Variants in STK32A observed in about 807,000 individuals in gnomAD.
STK32A encodes the protein serine/threonine kinase 32A, also known as serine/threonine-protein kinase 32A.
A neutral mutation model predicts 53.2 loss-of-function variants in STK32A; 41 were observed. The observed-to-expected ratio is 0.77, with a 90% CI of 0.60 to 1.00. The LOEUF (loss-of-function observed/expected upper bound fraction) is 1.00. Ranked by LOEUF, STK32A falls within the 50% of genes least tolerant of loss-of-function variation. STK32A has a pLI of 0.00. For missense variants in STK32A, 458 were observed against 485.8 expected (o/e 0.94, Z 0.54); for synonymous variants, 166 against 162.8 (o/e 1.02, Z -0.15).
chr5:147,277,195 C>G (rs900968514), intron 2 of STK32A, among the ~76,000 whole-genome samples: 14 of 152,066 alleles, frequency 9.2e-5, no homozygotes, highest in African/African-American at 3.4e-4. Context: ...TCTGAATAAA[C>G]TTAAAATCCC....
Position 147,239,564 on chromosome 5 carries a change from G to A in STK32A, c.-71G>A, listed in dbSNP as rs1158265701. 4 of 1,243,776 alleles carry A rather than the reference G, an allele frequency of 3.2e-6. No individual in the cohort carries two copies. The highest frequency in any genetic ancestry group is 2.4e-5 in the East Asian group (1 of 41,250). The allele number at this position is 1,243,776 out of a possible 1,614,324, so 77.0% of individuals were successfully genotyped here. On this transcript the variant is annotated 5_prime_UTR_variant, in exon 2 of 13. The change abolishes an upstream ATG in the 5' untranslated region. Coordinates refer to ENST00000397936, the MANE Select transcript of STK32A (RefSeq NM_001112724.2). ...ATATCCAACTAAGGCTTCGGGACAT[G>A]TTTTGAGCGAAGATGGGTGTTTCTG...
chr5:147,267,112 G>A (rs1448533799), intron 2 of STK32A, among the ~76,000 whole-genome samples: 3 of 151,614 alleles, frequency 2.0e-5, no homozygotes, highest in African/African-American at 7.3e-5. Flanking sequence ...AACATAAATA[G>A]CAGTAATAAT....
chr5:147,257,975 A>G (rs963971243), intron 2 of STK32A, among the ~76,000 whole-genome samples: 2 of 151,912 alleles, frequency 1.3e-5, no homozygotes, highest in African/African-American at 4.8e-5. Flanking sequence ...TTTAGACCAA[A>G]GAAGGCCAAA....
chr5:147,400,852 T>C, the STK32A span: 1 of 1,611,728 alleles, frequency 6.2e-7, no homozygotes, highest in African/African-American at 1.3e-5. Context: ...GGAGAAAAGC[T>C]CCACATGAAC....
chr5:147,356,843 A>G (rs1294202977), intron 7 of STK32A, among the ~76,000 whole-genome samples: 16 of 152,210 alleles, frequency 1.1e-4, no homozygotes, highest in Admixed American at 9.8e-4. Context: ...TCTGGTCCCA[A>G]GTATTTCAAA....
At chr5:147,397,338 T>C in the STK32A span, among the ~76,000 whole-genome samples, 3,017 of 151,096 alleles carry the variant, frequency 0.02, 92 homozygotes, top group African/African-American at 0.069. Context: ...GATTCTCGGT[T>C]CTCACCTTCA....
At chr5:147,314,536 A>AG (rs1479349575) in intron 4 of STK32A, among the ~76,000 whole-genome samples, 8 of 144,988 alleles carry the variant, frequency 5.5e-5, no homozygotes, top group Non-Finnish European at 1.1e-4. Flanking sequence ...ACAAAAAAAA[A>AG]AAAAGAACAA....
At chr5:147,286,375 A>G (rs905557435) in intron 4 of STK32A, among the ~76,000 whole-genome samples, 18 of 152,242 alleles carry the variant, frequency 1.2e-4, no homozygotes, top group Non-Finnish European at 1.9e-4. Context: ...ACCACTAAAG[A>G]ACTTACCCAT....
chr5:147,262,076 T>C (rs187815055), intron 2 of STK32A, among the ~76,000 whole-genome samples: 1 of 152,260 alleles, frequency 6.6e-6, no homozygotes, highest in East Asian at 1.9e-4. Flanking sequence ...TTTCTTGGGT[T>C]ATCTCGTCTT....
intron 4 of STK32A, among the ~76,000 whole-genome samples, chr5:147,319,228 C>T (rs1458818824): frequency 1.3e-5 from 2 of 151,102 alleles, no homozygotes; most frequent in East Asian, 2.0e-4. Context: ...CTGCAAGCTC[C>T]GCCTCCTGGG....
intron 4 of STK32A, among the ~76,000 whole-genome samples, chr5:147,282,249 C>G (rs1448233409): frequency 6.6e-6 from 1 of 152,016 alleles, no homozygotes; most frequent in Admixed American, 6.6e-5. Context: ...AGACCACCCC[C>G]CAAAAAATGT....
At chr5:147,314,406 G>C (rs2400292) in intron 4 of STK32A, among the ~76,000 whole-genome samples, 33,974 of 150,890 alleles carry the variant, frequency 0.23, 3,987 homozygotes, top group Middle Eastern at 0.24. Context: ...GCTGAGGCAG[G>C]AGAATCACTT....
At chr5:147,264,624 C>A (rs1170169789) in intron 2 of STK32A, among the ~76,000 whole-genome samples, 1 of 151,998 alleles carries the variant, frequency 6.6e-6, no homozygotes, top group East Asian at 1.9e-4. Flanking sequence ...AATTATTATG[C>A]CAGATGTATT....
At chr5:147,388,060 T>C (rs1427317386), downstream of STK32A, among the ~76,000 whole-genome samples, 2 of 152,338 alleles carry the variant, frequency 1.3e-5, no homozygotes, top group Admixed American at 6.5e-5. Flanking sequence ...TTGACCCACA[T>C]GTATAAAAAC....
chr5:147,343,074 C>T, intron 6 of STK32A, 31 bp downstream of exon 6: 1 of 1,609,972 alleles, frequency 6.2e-7, no homozygotes, highest in Non-Finnish European at 8.5e-7. Context: ...CAATCAAGTA[C>T]ATGACATGCA....
intron 5 of STK32A, among the ~76,000 whole-genome samples, chr5:147,325,313 TTATATATATA>T (rs71868616): frequency 1.4e-5 from 2 of 147,538 alleles, no homozygotes; most frequent in Non-Finnish European, 3.0e-5. Context: ...TTTTAAACCT[TTATATATATA>T]TATATATATT....
At chr5:147,342,947 C>T (rs1755501892) in intron 5 of STK32A, 59 bp from the exon 6 acceptor site, 3 of 1,558,172 alleles carry the variant, frequency 1.9e-6, no homozygotes, top group Admixed American at 1.7e-5. Flanking sequence ...TTTGCCCCTA[C>T]CCCTTAGTTC....
chr5:147,305,279 C>T (rs1753347403), intron 4 of STK32A, among the ~76,000 whole-genome samples: 1 of 152,048 alleles, frequency 6.6e-6, no homozygotes, highest in Non-Finnish European at 1.5e-5. Context: ...GGGAGTCTTG[C>T]CAACAACCTC....
chr5:147,258,081 A>G (rs892621957), intron 2 of STK32A, among the ~76,000 whole-genome samples: 1 of 151,806 alleles, frequency 6.6e-6, no homozygotes. Flanking sequence ...CTTAATTTTA[A>G]TAAAACTTTG....
Sources: gnomAD v4.1 joint callset for allele counts (sites outside exome capture counted in the v4.1 genomes callset) on GRCh38, gnomAD v4.1.1 for gene constraint, MANE v1.5 for transcripts, NCBI Gene and HGNC (gene_info 2026-07-23, HGNC 2026-07-21) for gene names.